The following CNPY4 variants were observed in gnomAD, a reference collection of about 807,000 sequenced individuals.
CNPY4 encodes canopy FGF signaling regulator 4, also known as protein canopy homolog 4.
Under a neutral mutation model 30.1 loss-of-function variants are expected in CNPY4, and 33 were observed. That is an observed-to-expected ratio of 1.10 (90% confidence interval 0.83 to 1.46). The LOEUF is 1.46. Among genes scored for constraint, CNPY4 ranks in the 40% most tolerant of loss-of-function variants. The pLI, the probability that CNPY4 is intolerant of heterozygous loss-of-function variation, is 0.00. For missense variants in CNPY4, 324 were observed against 302.6 expected (o/e 1.07, Z -0.52); for synonymous variants, 109 against 110.1 (o/e 0.99, Z 0.06).
chr7:100,121,028 T>C (rs1584584687), intron 1 of CNPY4: 1 of 141,780 alleles, frequency 7.1e-6, no homozygotes, highest in Non-Finnish European at 1.5e-5. Flanking sequence ...TATATGTTGA[T>C]TTATTTAATC....
intron 4 of CNPY4, 51 bp downstream of exon 4, chr7:100,122,957 G>A: frequency 6.4e-7 from 1 of 1,568,386 alleles, no homozygotes; most frequent in Non-Finnish European, 8.7e-7. Flanking sequence ...AACCTGAGAG[G>A]GGAGCTAGGT....
rs1276613150 is a variant in CNPY4 at position 100,124,758 on chromosome 7, TCA to T, written c.620_621del (p.Thr207ArgfsTer37). 2 of 1,613,172 alleles carry T rather than the reference TCA, an allele frequency of 1.2e-6. No individual in the cohort carries two copies. Among genetic ancestry groups the T allele is most frequent in the South Asian group, 1.1e-5 (1 of 91,020 alleles). On this transcript the variant is annotated frameshift_variant, in exon 6 of 6. Coordinates refer to ENST00000262932, the MANE Select transcript of CNPY4 (RefSeq NM_152755.2). LOFTEE classifies it low-confidence loss of function (END_TRUNC). ...CAGGAAACTTGGACTGGAAAGGAGA[TCA>T]CAGATGGGGAAGAGAAAACAGAAGG... is the stretch of plus-strand genomic sequence containing the variant.
rs1024455931 is a variant in CNPY4, at chr7:100,122,369, G to A, written c.229G>A (p.Val77Met). 52 of 1,614,020 alleles carry A rather than the reference G, an allele frequency of 3.2e-5. No individual in the cohort carries two copies. Among genetic ancestry groups the A allele is most frequent in the African/African-American group, 5.3e-5 (4 of 74,914 alleles). Residue 77 changes from valine to methionine, a missense_variant, in exon 2 of 6, where the codon GTG becomes ATG. Val to Met is a conservative substitution (Grantham distance 21). Transcript: ENST00000262932. Reference protein sequence around the residue: ...VLDTGKRKRHVPYSVSETRLE... With the variant: ...VLDTGKRKRHMPYSVSETRLE... ...GGATACAGGCAAGAGGAAGAGACAC[G>A]TGCCTTACAGCGTTTCGTGAGTCCT...
chr7:100,122,854 C>A lies in CNPY4; in HGVS notation c.413C>A (p.Pro138His). 1 of 1,613,862 alleles carries A rather than the reference C, an allele frequency of 6.2e-7. No individual in the cohort carries two copies. The highest frequency in any genetic ancestry group is 8.5e-7 in the Non-Finnish European group (1 of 1,179,980). The change falls in exon 4 of 6, where the codon CCT becomes CAT. Residue 138 changes from proline (P) to histidine (H), a missense_variant. Transcript: ENST00000262932. ...QKGVKVDLGI[P>H]LELWDEPSVE... Reference sequence around the variant, plus strand: ...GGGGTGAAGGTGGATCTGGGGATCCCTCTGGAGCTTTGGGATGAGCCCAGC... The same window carrying A: ...GGGGTGAAGGTGGATCTGGGGATCCATCTGGAGCTTTGGGATGAGCCCAGC...
chr7:100,124,435 G>T, intron 4 of CNPY4, 79 bp from the exon 5 acceptor site: 1 of 1,147,784 alleles, frequency 8.7e-7, no homozygotes, highest in Non-Finnish European at 1.3e-6. Flanking sequence ...AAATCAGTCA[G>T]GTTGAGCAGG....
intron 1 of CNPY4, chr7:100,121,110 ATATATAT>A (rs1562938250): frequency 3.5e-5 from 1 of 28,396 alleles, no homozygotes; most frequent in Admixed American, 3.9e-4. Flanking sequence ...ATATATATAT[ATATATAT>A]TTTTTTTTTT....
At position 100,119,713 on chromosome 7, in the gene CNPY4, A is replaced by T; in HGVS notation, c.-32A>T. The T allele has an allele frequency of 2.5e-6, 4 of 1,614,048 alleles. No homozygotes were observed. The highest frequency in any genetic ancestry group is 3.4e-6 in the Non-Finnish European group (4 of 1,179,970). On this transcript the variant is annotated 5_prime_UTR_variant, in exon 1 of 6. Coordinates refer to ENST00000262932, the MANE Select transcript of CNPY4 (RefSeq NM_152755.2). ...ACACTACCTTCCCGAAGTTGAAGGC[A>T]AGCGGTGATTGTTTGTAGACGGCGC...
Position 100,124,562 on chromosome 7 carries a change from T to C in CNPY4, c.514T>C (p.Phe172Leu), listed in dbSNP as rs1163618960. 6.2e-7 allele frequency: 1 copy of C among 1,612,990 alleles called. No individual in the cohort carries two copies. The highest frequency in any genetic ancestry group is 1.7e-5 in the Admixed American group (1 of 59,728). ...EFEDIVGDWY[F>L]HHQEQPLQNF... ...TGAAGACATTGTGGGAGACTGGTAC[T>C]TCCACCATCAGGAGCAGCCCCTACA... The change falls in exon 5 of 6, where the codon TTC (phenylalanine) becomes CTC (leucine). Residue 172 changes from phenylalanine to leucine, a missense_variant. Phe to Leu is a conservative substitution (Grantham distance 22). Transcript: ENST00000262932.
chr7:100,123,949 T>C (rs908900492), intron 4 of CNPY4, among the ~76,000 whole-genome samples: 3 of 152,108 alleles, frequency 2.0e-5, no homozygotes, highest in African/African-American at 7.2e-5. Flanking sequence ...GCCATCATAG[T>C]GAAACCCTGT....
chr7:100,122,156 C>T lies in CNPY4; in HGVS notation c.119-103C>T, dbSNP rs1798091560. The stretch of plus-strand genomic sequence containing the variant: ...GATTCCAACCCAGCCAGTCTGGCTC[C>T]ATAGTCTGCACTTGTATGCTCTGCT... On this transcript the variant is annotated intron_variant, in intron 1 of 5. Coordinates refer to ENST00000262932, the MANE Select transcript of CNPY4 (RefSeq NM_152755.2). 2.1e-6 allele frequency: 3 copies of T among 1,456,596 alleles called. No individual in the cohort carries two copies. The African/African-American group carries it at 4.2e-5, about 20-fold the overall frequency. The allele number at this position is 1,456,596 out of a possible 1,614,324, so 90.2% of individuals were successfully genotyped here.
intron 1 of CNPY4, 26 bp from the exon 2 acceptor site, chr7:100,122,233 C>G (rs1212306314): frequency 1.2e-6 from 2 of 1,613,122 alleles, no homozygotes; most frequent in African/African-American, 2.7e-5. Flanking sequence ...TTTTACCTCC[C>G]CCCGGACGTT....
rs1562936870 is a variant in CNPY4, at chr7:100,119,715, G to A, written c.-30G>A. The A allele has an allele frequency of 1.2e-6, 2 of 1,613,960 alleles. No individual in the cohort carries two copies. Among genetic ancestry groups the A allele is most frequent in the Non-Finnish European group, 1.7e-6 (2 of 1,179,986 alleles). On this transcript the variant is annotated 5_prime_UTR_variant, in exon 1 of 6. Coordinates refer to ENST00000262932, the MANE Select transcript of CNPY4 (RefSeq NM_152755.2). ...ACTACCTTCCCGAAGTTGAAGGCAA[G>A]CGGTGATTGTTTGTAGACGGCGCTT...
intron 4 of CNPY4, among the ~76,000 whole-genome samples, chr7:100,123,273 T>A (rs1584588636): frequency 3.3e-5 from 5 of 150,100 alleles, no homozygotes. Context: ...ATCCAGGAGG[T>A]GGAGGTTGCC....
At chr7:100,120,984 T>A (rs1798022349) in intron 1 of CNPY4, among the ~76,000 whole-genome samples, 1 of 151,530 alleles carries the variant, frequency 6.6e-6, no homozygotes, top group Non-Finnish European at 1.5e-5. Flanking sequence ...TAACAGTGAA[T>A]ACTTATACAG....
At position 100,124,404 on chromosome 7, in the gene CNPY4, T is replaced by A. The variant is rs1392129149; in HGVS notation, c.466-110T>A. On this transcript the variant is annotated intron_variant, in intron 4 of 5. Coordinates refer to ENST00000262932, the MANE Select transcript of CNPY4 (RefSeq NM_152755.2). ...CACATCTAGTAGGCCAAACTTAGCTTCCTGGCTACCTGCCTCTCCAAAATC... is the reference window on the plus strand; with the variant it reads ...CACATCTAGTAGGCCAAACTTAGCTACCTGGCTACCTGCCTCTCCAAAATC... The A allele has an allele frequency of 6.4e-6, 5 of 787,140 alleles. No homozygotes were observed. The African/African-American group carries it at 8.8e-5, about 14-fold the overall frequency. The allele number at this position is 787,140 out of a possible 1,614,324, so 48.8% of individuals were successfully genotyped here.
chr7:100,124,954 C>T lies in CNPY4; in HGVS notation c.*66C>T, dbSNP rs1041282512. 1.1e-4 allele frequency: 163 copies of T among 1,504,160 alleles called. No homozygotes were observed. Among genetic ancestry groups the T allele is most frequent in the Non-Finnish European group, 1.4e-4 (154 of 1,121,620 alleles). 93.2% of individuals were successfully genotyped at this position (1,504,160 alleles called of 1,614,324 possible). On this transcript the variant is annotated 3_prime_UTR_variant, in exon 6 of 6. Coordinates refer to ENST00000262932, the MANE Select transcript of CNPY4 (RefSeq NM_152755.2). ...GAGCCCTCTAAAGCCTGCACTCTCCCTGCTCCACAGCTTTCAGGGTGTGTT... is the reference window on the plus strand; with the variant it reads ...GAGCCCTCTAAAGCCTGCACTCTCCTTGCTCCACAGCTTTCAGGGTGTGTT...
rs1464455071 is a variant in CNPY4, at chr7:100,124,716, C to T, written c.584-9C>T. The T allele has an allele frequency of 6.2e-7, 1 of 1,613,718 alleles. No individual in the cohort carries two copies. The highest frequency in any genetic ancestry group is 1.7e-5 in the Admixed American group (1 of 59,934). On this transcript the variant is annotated splice_polypyrimidine_tract_variant and intron_variant, in intron 5 of 5. Transcript: ENST00000262932. Reference sequence around the variant, plus strand: ...TAATATCTAAATTGTTTTCTGTCATCCGATCTAGCATGTCTACAGGAAACT... The same window carrying T: ...TAATATCTAAATTGTTTTCTGTCATTCGATCTAGCATGTCTACAGGAAACT...
chr7:100,125,044 G>C lies in CNPY4; in HGVS notation c.*156G>C. 1 of 809,020 alleles carries C rather than the reference G, an allele frequency of 1.2e-6. No homozygotes were observed. The highest frequency in any genetic ancestry group is 1.9e-6 in the Non-Finnish European group (1 of 526,156). The allele number at this position is 809,020 out of a possible 1,614,324, so 50.1% of individuals were successfully genotyped here. ...ATCTAACCTCAGGCAAGATCCTGGT[G>C]AAACAGCATGACATGGCTTCTGGGG... On this transcript the variant is annotated 3_prime_UTR_variant, in exon 6 of 6. Coordinates refer to ENST00000262932, the MANE Select transcript of CNPY4 (RefSeq NM_152755.2).
chr7:100,121,705 G>A (rs929344912), intron 1 of CNPY4, among the ~76,000 whole-genome samples: 21 of 151,842 alleles, frequency 1.4e-4, no homozygotes, highest in African/African-American at 5.1e-4. Context: ...CTCCCAAAGT[G>A]CTGGGATTAC....
Sources: gnomAD v4.1 joint callset for allele counts (sites outside exome capture counted in the v4.1 genomes callset) on GRCh38, gnomAD v4.1.1 for gene constraint, MANE v1.5 for transcripts, NCBI Gene and HGNC (gene_info 2026-07-23, HGNC 2026-07-21) for gene names.